The following CDC73 variants were observed in gnomAD, a reference collection of about 807,000 sequenced individuals.
The protein encoded by CDC73 is cell division cycle 73, also known as parafibromin.
CDC73 carries 21 observed loss-of-function variants against 83.7 expected under a neutral mutation model. That is an observed-to-expected ratio of 0.25 (90% CI 0.18 to 0.36). The LOEUF is 0.36. Ranked by LOEUF, CDC73 falls within the 10% of genes least tolerant of loss-of-function variation. CDC73 has a pLI of 1.00. For missense variants in CDC73, 342 were observed against 653.3 expected, an observed-to-expected ratio of 0.52 and a Z score of 5.19; for synonymous variants, 224 against 212.9, an observed-to-expected ratio of 1.05 and a Z score of -0.45.
chr1:193,224,825 CT>C (rs768183139), intron 13 of CDC73, among the ~76,000 whole-genome samples: 17 of 150,744 alleles, frequency 1.1e-4, no homozygotes, highest in Non-Finnish European at 1.5e-4. Flanking sequence ...AATGTGTTTT[CT>C]TTTTTTTTCT....
intron 7 of CDC73, among the ~76,000 whole-genome samples, chr1:193,142,718 A>G (rs1276269775): frequency 6.6e-6 from 1 of 151,718 alleles, no homozygotes; most frequent in Non-Finnish European, 1.5e-5. Flanking sequence ...ATTAGAAAAC[A>G]TTGTTGTACA....
At chr1:193,220,190 G>A (rs774547091) in intron 13 of CDC73, among the ~76,000 whole-genome samples, 4 of 124,970 alleles carry the variant, frequency 3.2e-5, no homozygotes, top group Non-Finnish European at 6.5e-5. Context: ...TTTTTGAGAC[G>A]GAGTCTCGCC....
At chr1:193,144,503 G>C (rs1025882689) in intron 7 of CDC73, among the ~76,000 whole-genome samples, 42 of 152,084 alleles carry the variant, frequency 2.8e-4, no homozygotes, top group African/African-American at 9.9e-4. Context: ...ATTGACCTTT[G>C]CAGTGATGGT....
chr1:193,138,144 A>G lies in CDC73; in HGVS notation c.483A>G (p.Lys161=). The G allele has an allele frequency of 6.2e-7, 1 of 1,613,160 alleles. No homozygotes were observed. Among genetic ancestry groups the G allele is most frequent in the Non-Finnish European group, 8.5e-7 (1 of 1,179,104 alleles). The part of the protein sequence containing the change: ...ERLAARLEGH[K]EGIVQTEQIR... ...TGGCTGCCCGTTTGGAGGGTCACAAAGAAGGGATTGTACAGACTGAACAGA... is the reference window on the plus strand; with the variant it reads ...TGGCTGCCCGTTTGGAGGGTCACAAGGAAGGGATTGTACAGACTGAACAGA... The change falls in exon 6 of 17, where the codon AAA becomes AAG. Residue 161 remains lysine, a synonymous_variant. Transcript: ENST00000367435.
intron 11 of CDC73, among the ~76,000 whole-genome samples, chr1:193,204,405 T>C (rs1356611939): frequency 6.6e-6 from 1 of 151,458 alleles, no homozygotes; most frequent in Non-Finnish European, 1.5e-5. Flanking sequence ...TTCTCCTGCC[T>C]CAGCCTCCCA....
In CDC73 at chr1:193,122,168, C is replaced by A. The variant is rs772727495; in HGVS notation, c.-33C>A. The A allele has an allele frequency of 6.2e-7, 1 of 1,606,614 alleles. No individual in the cohort carries two copies. The highest frequency in any genetic ancestry group is 8.5e-7 in the Non-Finnish European group (1 of 1,175,266). ...GAGGCAGGCGCGGCGGCAGCGGCGG[C>A]GCCCCGAGCCGGCGGAGGCGAGGGG... On this transcript the variant is annotated 5_prime_UTR_variant, in exon 1 of 17. Coordinates refer to ENST00000367435, the MANE Select transcript of CDC73 (RefSeq NM_024529.5).
At chr1:193,215,773 A>G (rs1218540054) in intron 13 of CDC73, among the ~76,000 whole-genome samples, 4 of 151,954 alleles carry the variant, frequency 2.6e-5, no homozygotes, top group Admixed American at 2.0e-4. Context: ...TATTTTTTGT[A>G]GAGACTGGGC....
intron 7 of CDC73, among the ~76,000 whole-genome samples, chr1:193,143,889 C>T (rs962359216): frequency 6.6e-6 from 1 of 151,888 alleles, no homozygotes; most frequent in African/African-American, 2.4e-5. Flanking sequence ...GTGGGTGGAC[C>T]AGTTGAGGTC....
At chr1:193,245,848 C>T (rs963873094) in intron 15 of CDC73, among the ~76,000 whole-genome samples, 16 of 151,936 alleles carry the variant, frequency 1.1e-4, no homozygotes, top group African/African-American at 3.9e-4. Context: ...TGAGATGATA[C>T]CTCATTGTGG....
chr1:193,245,780 A>G (rs961916475), intron 15 of CDC73, among the ~76,000 whole-genome samples: 1 of 152,030 alleles, frequency 6.6e-6, no homozygotes, highest in Non-Finnish European at 1.5e-5. Context: ...CTTTCTCCAC[A>G]TCCTCTGGAG....
intron 10 of CDC73, among the ~76,000 whole-genome samples, chr1:193,163,162 TGTGTGTGTGTGTGTGG>T (rs1438270694): frequency 1.3e-5 from 2 of 151,114 alleles, no homozygotes; most frequent in African/African-American, 4.9e-5. Flanking sequence ...TGTGTGTGTG[TGTGTGTGTGTGTGTGG>T]GTGTGTGTGT....
Position 193,187,032 on chromosome 1 carries a change from C to G in CDC73, c.973-16763C>G, listed in dbSNP as rs374008693. ...TTTTTTTCTCTGCTTTCAAATTGCT[C>G]TTGATTTTTTACTAATATGTAGTTA... On this transcript the variant is annotated intron_variant, in intron 10 of 16. Coordinates refer to ENST00000367435, the MANE Select transcript of CDC73 (RefSeq NM_024529.5). Among the ~76,000 whole-genome samples the G allele has an allele frequency of 1.1e-4, 13 of 120,444 alleles. No individual in the cohort carries two copies. The East Asian group carries it at 2.6e-3, about 24-fold the overall frequency. The allele number at this position is 120,444 out of a possible 152,430, so 79.0% of individuals were successfully genotyped here.
chr1:193,235,514 A>G (rs1677741868), intron 14 of CDC73, among the ~76,000 whole-genome samples: 1 of 152,128 alleles, frequency 6.6e-6, no homozygotes, highest in Non-Finnish European at 1.5e-5. Flanking sequence ...CGCTTTAGTT[A>G]TTGGCTTTAA....
intron 1 of CDC73, 143 bp downstream of exon 1, chr1:193,122,474 C>A: frequency 9.2e-7 from 1 of 1,086,916 alleles, no homozygotes; most frequent in Non-Finnish European, 1.4e-6. Flanking sequence ...CTCTCTAGAG[C>A]AGAAGTTGCA....
rs1311005410 is a variant in CDC73, at chr1:193,221,348, G to A, written c.1154+8871G>A. On this transcript the variant is annotated intron_variant, in intron 13 of 16. Transcript: ENST00000367435. ...TATCCACGCCTGGGACTCGATTTTA[G>A]TTCCCATGATGCTTCATTACACTTG... 3.9e-5 allele frequency among the ~76,000 whole-genome samples: 6 copies of A among 151,908 alleles called. No homozygotes were observed. In the South Asian group the frequency reaches 1.0e-3, roughly 26 times the overall value.
intron 15 of CDC73, among the ~76,000 whole-genome samples, chr1:193,246,478 A>G (rs1408435379): frequency 2.0e-5 from 3 of 152,294 alleles, no homozygotes; most frequent in Non-Finnish European, 1.5e-5. Context: ...AAATGAATTC[A>G]GTAAAATTGC....
rs1455561722 is a variant in CDC73 at position 193,161,731 on chromosome 1, TATATA to T, written c.972+9293_972+9297del. Among the ~76,000 whole-genome samples, 2 of 16,702 alleles carry T rather than the reference TATATA, an allele frequency of 1.2e-4. 1 individual carries two copies. The highest frequency in any genetic ancestry group is 2.6e-4 in the Non-Finnish European group (2 of 7,818). The allele number at this position is 16,702 out of a possible 152,430, so 11.0% of individuals were successfully genotyped here. ...CTATCATATAATATAATATATATAA[TATATA>T]ATATATATCATATTATATTGTATAT... On this transcript the variant is annotated intron_variant, in intron 10 of 16. Coordinates refer to ENST00000367435, the MANE Select transcript of CDC73 (RefSeq NM_024529.5).
At chr1:193,202,594 T>G (rs1306251882) in intron 10 of CDC73, among the ~76,000 whole-genome samples, 1 of 150,978 alleles carries the variant, frequency 6.6e-6, no homozygotes. Context: ...AAAAAGGATA[T>G]TTTGCTGTCC....
At chr1:193,134,399 A>G (rs1675751393) in intron 3 of CDC73, among the ~76,000 whole-genome samples, 1 of 152,122 alleles carries the variant, frequency 6.6e-6, no homozygotes, top group Admixed American at 6.5e-5. Flanking sequence ...GGCCGGGCAC[A>G]GTGGCTCACA....
Sources: allele counts gnomAD v4.1 joint callset (sites outside exome capture counted in the v4.1 genomes callset), GRCh38; gene constraint gnomAD v4.1.1; transcripts MANE v1.5; gene names NCBI Gene and HGNC (gene_info 2026-07-23, HGNC 2026-07-21).